AAK1: variants seen among roughly 807,000 people sequenced by gnomAD.
AAK1 encodes AP2-associated protein kinase 1.
Under a neutral mutation model 116.0 loss-of-function variants are expected in AAK1, and 37 were observed. The ratio of observed to expected loss-of-function variants is 0.32; its 90% confidence interval spans 0.25 to 0.42. The LOEUF (loss-of-function observed/expected upper bound fraction) is 0.42, where lower values mean the gene tolerates loss of function less well. AAK1 is among the 10% of genes least tolerant of loss of function. AAK1 has a pLI of 1.00. For synonymous variants in AAK1, 458 were observed against 439.9 expected (o/e 1.04, Z -0.51); for missense variants, 919 against 1,170.6 (o/e 0.79, Z 3.14).
chr2:69,640,080 C>CT (rs1491472917), intron 2 of AAK1, among the ~76,000 whole-genome samples: 4,461 of 128,250 alleles, frequency 0.035, 311 homozygotes, highest in African/African-American at 0.12. Context: ...CTCTCTCTCT[C>CT]CCCCCCCACA....
chr2:69,468,784 G>A lies in AAK1; in HGVS notation c.*7085C>T, dbSNP rs1417700901. ...AACTAGGAAGTACCAAGGGGTGTGT[G>A]TATGTGCCCATATTCAGGGTTGGAG... On this transcript the variant is annotated 3_prime_UTR_variant, in exon 22 of 22. Coordinates refer to ENST00000409085, the MANE Select transcript of AAK1 (RefSeq NM_014911.5). 6 of 985,406 alleles carry A rather than the reference G, an allele frequency of 6.1e-6. No individual in the cohort carries two copies. The South Asian group carries it at 2.8e-4, about 46-fold the overall frequency. 61.0% of individuals were successfully genotyped at this position (985,406 alleles called of 1,614,324 possible).
At chr2:69,525,498 C>A (rs1669984608) in intron 9 of AAK1, among the ~76,000 whole-genome samples, 1 of 152,228 alleles carries the variant, frequency 6.6e-6, no homozygotes. Context: ...TGGTATTATT[C>A]TGGATCCCAG....
chr2:69,479,004 G>A lies in AAK1; in HGVS notation c.2627C>T (p.Thr876Ile), dbSNP rs1438587214. The A allele has an allele frequency of 6.2e-7, 1 of 1,613,826 alleles. No individual in the cohort carries two copies. Among genetic ancestry groups the A allele is most frequent in the Admixed American group, 1.7e-5 (1 of 60,008 alleles). ...GGGGGCAAACTCTTCCAGAAGGTCA[G>A]TAGTAGGGTTAGAGAGCAGAGAGCA... ...LDCSLLSNPT[T>I]DLLEEFAPTA... Residue 876 changes from threonine (T) to isoleucine (I), a missense_variant, in exon 20 of 22, where the codon ACT becomes ATT. By Grantham distance (89) the Thr-to-Ile change is moderately conservative. Coordinates refer to ENST00000409085, the MANE Select transcript of AAK1 (RefSeq NM_014911.5).
At chr2:69,477,824 G>T (rs1435776060) in intron 20 of AAK1, among the ~76,000 whole-genome samples, 1 of 152,168 alleles carries the variant, frequency 6.6e-6, no homozygotes. Context: ...ATTATTTTTA[G>T]TCATTCTGGG....
rs114368613 is a variant in AAK1, at chr2:69,590,385, C to T, written c.164-33407G>A. Among the ~76,000 whole-genome samples, 1,238 of 152,296 alleles carry T rather than the reference C, an allele frequency of 8.1e-3. 21 individuals are homozygous for T. Among genetic ancestry groups the T allele is most frequent in the African/African-American group, 0.029 (1,186 of 41,558 alleles). On this transcript the variant is annotated intron_variant, in intron 2 of 21. Transcript: ENST00000409085. ...TTTGGTTAGCAAAGATGCCTGAGAA[C>T]AGAGGAGAGCACACATTCCAAGAAA...
chr2:69,488,443 G>T (rs182252204), intron 17 of AAK1, among the ~76,000 whole-genome samples: 1 of 152,178 alleles, frequency 6.6e-6, no homozygotes, highest in African/African-American at 2.4e-5. Flanking sequence ...AAAAAGTAAA[G>T]AGTAAAAGAG....
rs924466254 is a variant in AAK1, at chr2:69,530,509, G to A, written c.738+116C>T. The A allele has an allele frequency of 4.3e-5, 34 of 785,374 alleles. No homozygotes were observed. In the Middle Eastern group the frequency reaches 7.1e-4, roughly 16 times the overall value. The allele number at this position is 785,374 out of a possible 1,614,324, so 48.7% of individuals were successfully genotyped here. A position where few individuals can be genotyped will look rare whatever the true frequency, so the allele number is the denominator to read the frequency against. On this transcript the variant is annotated intron_variant, in intron 7 of 21. Transcript: ENST00000409085. ...CATCAAGAATAACCTTGAGGGGTAAGTAGACCATGATATGGTACAGTAGCC... is the reference window on the plus strand; with the variant it reads ...CATCAAGAATAACCTTGAGGGGTAAATAGACCATGATATGGTACAGTAGCC...
In AAK1 at chr2:69,520,899, A is replaced by C. The variant is rs780026322; in HGVS notation, c.1145T>G (p.Leu382Arg). 6.2e-7 allele frequency: 1 copy of C among 1,608,502 alleles called. No homozygotes were observed. Among genetic ancestry groups the C allele is most frequent in the Non-Finnish European group, 8.5e-7 (1 of 1,177,186 alleles). The change falls in exon 11 of 22, where the codon CTT (leucine) becomes CGT (arginine). Residue 382 changes from leucine to arginine, a missense_variant. Coordinates refer to ENST00000409085, the MANE Select transcript of AAK1 (RefSeq NM_014911.5). Reference protein sequence around the residue: ...AGQTQPNPGILPIQPALTPRK... With the variant: ...AGQTQPNPGIRPIQPALTPRK... ...GGGTGTCAGCGCTGGCTGGATGGGA[A>C]GGATTCCTGGGTTCGGCTGAGTCTG...
intron 3 of AAK1, among the ~76,000 whole-genome samples, chr2:69,550,549 G>A (rs922503329): frequency 1.1e-4 from 16 of 151,756 alleles, no homozygotes; most frequent in African/African-American, 3.9e-4. Context: ...TGATCCGACC[G>A]CCCAAAGTGC....
chr2:69,547,458 AATAG>A (rs1341812637), intron 3 of AAK1, among the ~76,000 whole-genome samples: 2 of 152,230 alleles, frequency 1.3e-5, no homozygotes, highest in African/African-American at 4.8e-5. Context: ...AAAGGATCTG[AATAG>A]ATATTTTTCC....
chr2:69,628,284 C>CT (rs11441868), intron 2 of AAK1, among the ~76,000 whole-genome samples: 14,878 of 146,036 alleles, frequency 0.1, 1,530 homozygotes, highest in African/African-American at 0.25. Context: ...TGTTTCTTTT[C>CT]TTTTTTTTTT....
Position 69,472,480 on chromosome 2 carries a change from T to C in AAK1, c.*3389A>G. Reference sequence around the variant, plus strand: ...TTAGAATAAGTATTAACTTCTTAAGTAAAACTAGATGACATTGAGGGGAAC... The same window carrying C: ...TTAGAATAAGTATTAACTTCTTAAGCAAAACTAGATGACATTGAGGGGAAC... On this transcript the variant is annotated 3_prime_UTR_variant, in exon 22 of 22. Transcript: ENST00000409085. 1 of 503,742 alleles carries C rather than the reference T, an allele frequency of 2.0e-6. No individual in the cohort carries two copies. 31.2% of individuals were successfully genotyped at this position (503,742 alleles called of 1,614,324 possible).
In AAK1 at chr2:69,507,426, C is replaced by T; in HGVS notation, c.2159G>A (p.Gly720Glu). 6.2e-7 allele frequency: 1 copy of T among 1,612,220 alleles called. No individual in the cohort carries two copies. The highest frequency in any genetic ancestry group is 1.7e-5 in the Admixed American group (1 of 59,776). The change falls in exon 15 of 22, where the codon GGG becomes GAG. Residue 720 changes from glycine to glutamate, a missense_variant. Coordinates refer to ENST00000409085, the MANE Select transcript of AAK1 (RefSeq NM_014911.5). Reference sequence around the variant, plus strand: ...AAAAGACACAGCTTACTCACCTTCCCCAAGCTTGGCAAAGTCCTTGTTTAG... The same window carrying T: ...AAAAGACACAGCTTACTCACCTTCCTCAAGCTTGGCAAAGTCCTTGTTTAG... ...ELLNKDFAKL[G>E]EGKHPEKLGG... is the part of the protein sequence containing the mutation.
At chr2:69,587,209 C>T (rs1020193886) in intron 2 of AAK1, among the ~76,000 whole-genome samples, 1 of 151,380 alleles carries the variant, frequency 6.6e-6, no homozygotes, top group Non-Finnish European at 1.5e-5. Context: ...CTCAGCCTCT[C>T]GAATAGCTAG....
At chr2:69,550,075 A>G (rs1024635052) in intron 3 of AAK1, among the ~76,000 whole-genome samples, 2 of 152,240 alleles carry the variant, frequency 1.3e-5, no homozygotes, top group Admixed American at 1.3e-4. Context: ...TATAACCAGT[A>G]GCAATCCAGC....
chr2:69,475,736 G>A lies in AAK1; in HGVS notation c.*133C>T. 3 of 1,444,496 alleles carry A rather than the reference G, an allele frequency of 2.1e-6. No individual in the cohort carries two copies. Among genetic ancestry groups the A allele is most frequent in the Non-Finnish European group, 2.7e-6 (3 of 1,096,664 alleles). The allele number at this position is 1,444,496 out of a possible 1,614,324, so 89.5% of individuals were successfully genotyped here. A position where few individuals can be genotyped will look rare whatever the true frequency, so the allele number is the denominator to read the frequency against. Reference sequence around the variant, plus strand: ...TATCATTTCTACAGGAGAAGGCAAGGGGTAGGAGAAAAGGGCTGGAGGGCC... The same window carrying A: ...TATCATTTCTACAGGAGAAGGCAAGAGGTAGGAGAAAAGGGCTGGAGGGCC... On this transcript the variant is annotated 3_prime_UTR_variant, in exon 22 of 22. Transcript: ENST00000409085.
Position 69,471,119 on chromosome 2 carries a change from T to G in AAK1, c.*4750A>C. 3 of 985,728 alleles carry G rather than the reference T, an allele frequency of 3.0e-6. No individual in the cohort carries two copies. Among genetic ancestry groups the G allele is most frequent in the Non-Finnish European group, 3.6e-6 (3 of 829,920 alleles). The allele number at this position is 985,728 out of a possible 1,614,324, so 61.1% of individuals were successfully genotyped here. A position where few individuals can be genotyped will look rare whatever the true frequency, so the allele number is the denominator to read the frequency against. On this transcript the variant is annotated 3_prime_UTR_variant, in exon 22 of 22. Transcript: ENST00000409085. The stretch of plus-strand genomic sequence containing the variant: ...GACCTATGATAAACACACATCCACA[T>G]GACAAAGGAGAGTGCAATAGGGCAG...
intron 2 of AAK1, among the ~76,000 whole-genome samples, chr2:69,592,745 T>G (rs897916761): frequency 6.6e-6 from 1 of 152,238 alleles, no homozygotes; most frequent in African/African-American, 2.4e-5. Context: ...TACCCTGAGA[T>G]TCACAGATTT....
intron 8 of AAK1, among the ~76,000 whole-genome samples, chr2:69,528,407 T>C (rs775129110): frequency 2.0e-5 from 3 of 152,174 alleles, no homozygotes; most frequent in Non-Finnish European, 4.4e-5. Context: ...GAAAAGCTGG[T>C]GACCAGTCCA....
Sources: gnomAD v4.1 joint callset for allele counts (sites outside exome capture counted in the v4.1 genomes callset) on GRCh38, gnomAD v4.1.1 for gene constraint, MANE v1.5 for transcripts, NCBI Gene and HGNC (gene_info 2026-07-23, HGNC 2026-07-21) for gene names.